Variants in C1orf116 observed in about 807,000 individuals in gnomAD.
C1orf116 encodes the protein chromosome 1 open reading frame 116, also known as specifically androgen-regulated gene protein.
In C1orf116, 12 loss-of-function variants were observed where a neutral mutation model predicts 14.1. That is an observed-to-expected ratio of 0.85 (90% CI 0.54 to 1.38). The LOEUF (loss-of-function observed/expected upper bound fraction) is 1.38, where lower values mean the gene tolerates loss of function less well. Among genes scored for constraint, C1orf116 ranks in the 40% most tolerant of loss-of-function variants. C1orf116 has a pLI of 0.00. For synonymous variants in C1orf116, 296 were observed against 299.0 expected (o/e 0.99, Z 0.10); for missense variants, 797 against 747.0 (o/e 1.07, Z -0.78).
rs780022265 is a variant in C1orf116, at chr1:207,022,751, C to G, written c.1013G>C (p.Cys338Ser). ...TGCTTTTCTCTGCTCTTGCAGTGAA[C>G]AGGAGATCAGGCCAGAATCTCCAGG... ...AAPGDSGLISCSLQEQRKARK... is the reference protein window; with the variant it reads ...AAPGDSGLISSSLQEQRKARK... Residue 338 changes from cysteine to serine, a missense_variant, in exon 4 of 4, where the codon TGT becomes TCT. Transcript: ENST00000359470. 6.2e-7 allele frequency: 1 copy of G among 1,614,206 alleles called. No homozygotes were observed. Among genetic ancestry groups the G allele is most frequent in the Non-Finnish European group, 8.5e-7 (1 of 1,180,034 alleles).
chr1:207,023,110 G>T lies in C1orf116; in HGVS notation c.654C>A (p.Pro218=). The change falls in exon 4 of 4, where the codon CCC becomes CCA. Residue 218 remains proline (P), a synonymous_variant. Transcript: ENST00000359470. ...TGTGGCCCTGCTGTCCTGGCCCCTC[G>T]GGCAGGCTGGCTTCCCTACACTGCT... The part of the protein sequence containing the change: ...QPEQCREASL[P]EGPGQQGHTP... The T allele has an allele frequency of 6.2e-7, 1 of 1,612,648 alleles. No individual in the cohort carries two copies. Among genetic ancestry groups the T allele is most frequent in the Non-Finnish European group, 8.5e-7 (1 of 1,179,858 alleles).
Position 207,027,948 on chromosome 1 carries a change from G to A in C1orf116, c.-81-269C>T, listed in dbSNP as rs145472602. ...CTTACATTTTTCTCTGAACCAAGGA[G>A]CTTAATCTACATTTTCATTACTATA... On this transcript the variant is annotated intron_variant, in intron 1 of 3. Coordinates refer to ENST00000359470, the MANE Select transcript of C1orf116 (RefSeq NM_023938.6). 1.8e-3 allele frequency among the ~76,000 whole-genome samples: 273 copies of A among 152,322 alleles called. 5 individuals are homozygous for A. The highest frequency in any genetic ancestry group is 1.2e-3 in the East Asian group (6 of 5,194).
Position 207,023,374 on chromosome 1 carries a change from G to A in C1orf116, c.390C>T (p.Gly130=). ...GGATATTCCTAGGGAGGCTGTAGGAGCCAGACCTGAGGCCTAGGCCCTGGG... is the reference window on the plus strand; with the variant it reads ...GGATATTCCTAGGGAGGCTGTAGGAACCAGACCTGAGGCCTAGGCCCTGGG... ...PEPQGLGLRS[G]SYSLPRNIHI... is the part of the protein sequence containing the mutation. The change falls in exon 4 of 4, where the codon GGC becomes GGT. Residue 130 remains glycine (G), a synonymous_variant. Transcript: ENST00000359470. The A allele has an allele frequency of 6.2e-7, 1 of 1,614,132 alleles. No individual in the cohort carries two copies. Among genetic ancestry groups the A allele is most frequent in the Non-Finnish European group, 8.5e-7 (1 of 1,179,980 alleles).
rs147463881 is a variant in C1orf116, at chr1:207,022,068, G to T, written c.1696C>A (p.Arg566Ser). The change falls in exon 4 of 4, where the codon CGT (arginine) becomes AGT (serine). Residue 566 changes from arginine to serine, a missense_variant. Coordinates refer to ENST00000359470, the MANE Select transcript of C1orf116 (RefSeq NM_023938.6). ...SKRLSYQGQS[R>S]DKLPRPPCVS... is the part of the protein sequence containing the mutation. ...CAGGGGGGGCGAGGAAGCTTGTCAC[G>T]GCTCTGTCCTTGGTAGGACAGGCGC... 7 of 1,609,174 alleles carry T rather than the reference G, an allele frequency of 4.4e-6. No homozygotes were observed. The African/African-American group carries it at 5.4e-5, about 12-fold the overall frequency.
chr1:207,026,138 G>A (rs114751965), intron 2 of C1orf116, among the ~76,000 whole-genome samples: 1,611 of 152,288 alleles, frequency 0.011, 30 homozygotes, highest in African/African-American at 0.037. Context: ...GGCCCACTCA[G>A]ATGGCCAGGA....
intron 1 of C1orf116, among the ~76,000 whole-genome samples, chr1:207,031,458 C>T (rs1183977797): frequency 1.3e-5 from 2 of 152,288 alleles, no homozygotes; most frequent in African/African-American, 2.4e-5. Context: ...AAGCCTAAAT[C>T]TCCAGTTGCC....
At position 207,019,460 on chromosome 1, in the gene C1orf116, G is replaced by A. The variant is rs1449567477; in HGVS notation, c.*2498C>T. 1 of 152,174 alleles carries A rather than the reference G, an allele frequency of 6.6e-6. No homozygotes were observed. Among genetic ancestry groups the A allele is most frequent in the Non-Finnish European group, 1.5e-5 (1 of 68,032 alleles). 9.4% of individuals were successfully genotyped at this position (152,174 alleles called of 1,614,324 possible). On this transcript the variant is annotated 3_prime_UTR_variant, in exon 4 of 4. Coordinates refer to ENST00000359470, the MANE Select transcript of C1orf116 (RefSeq NM_023938.6). ...CACCCACAATTCTTTGAAAAGGGAT[G>A]AGTAACTCTGACCCTACTCTTACCT...
rs865857082 is a variant in C1orf116, at chr1:207,027,366, A to G, written c.105+128T>C. 8 of 1,215,282 alleles carry G rather than the reference A, an allele frequency of 6.6e-6. No individual in the cohort carries two copies. The Middle Eastern group carries it at 8.3e-4, about 127-fold the overall frequency. 75.3% of individuals were successfully genotyped at this position (1,215,282 alleles called of 1,614,324 possible). On this transcript the variant is annotated intron_variant, in intron 2 of 3. Transcript: ENST00000359470. Reference sequence around the variant, plus strand: ...CAGAAAGCACCCACTGGTGTTGTGAATCACTCCCCAACAATGAAAGAGAAG... The same window carrying G: ...CAGAAAGCACCCACTGGTGTTGTGAGTCACTCCCCAACAATGAAAGAGAAG...
At chr1:207,028,369 T>G (rs74152405) in intron 1 of C1orf116, among the ~76,000 whole-genome samples, 14,248 of 152,208 alleles carry the variant, frequency 0.094, 2,149 homozygotes, top group African/African-American at 0.32. Flanking sequence ...GTGAGAACGT[T>G]TAAAACACTT....
At chr1:207,027,371 T>C (rs1445829439) in intron 2 of C1orf116, 123 bp downstream of exon 2, 7 of 1,257,262 alleles carry the variant, frequency 5.6e-6, no homozygotes, top group Non-Finnish European at 7.8e-6. Context: ...TGTGAATCAC[T>C]CCCCAACAAT....
chr1:207,030,112 A>G (rs1304045969), intron 1 of C1orf116, among the ~76,000 whole-genome samples: 2 of 152,250 alleles, frequency 1.3e-5, no homozygotes, highest in Non-Finnish European at 2.9e-5. Context: ...CTGCTTCACA[A>G]GAACACAGCA....
intron 1 of C1orf116, 26 bp from the exon 2 acceptor site, chr1:207,027,705 A>T: frequency 1.3e-6 from 2 of 1,507,632 alleles, no homozygotes; most frequent in Non-Finnish European, 1.8e-6. Context: ...TCAAAGCCAC[A>T]CATGAGCCGA....
intron 1 of C1orf116, among the ~76,000 whole-genome samples, chr1:207,030,495 C>A (rs919378283): frequency 6.6e-6 from 1 of 152,186 alleles, no homozygotes; most frequent in Admixed American, 6.5e-5. Context: ...GATATTTCTA[C>A]AGTAAAGAAA....
At chr1:207,032,538 T>A in intron 1 of C1orf116, 41 bp downstream of exon 1, 4 of 983,194 alleles carry the variant, frequency 4.1e-6, no homozygotes, top group Non-Finnish European at 4.8e-6. Context: ...CCCCTTCCTA[T>A]TGCTATAGGA....
intron 2 of C1orf116, among the ~76,000 whole-genome samples, chr1:207,026,286 C>T (rs778758408): frequency 6.6e-6 from 1 of 152,230 alleles, no homozygotes; most frequent in Non-Finnish European, 1.5e-5. Flanking sequence ...CCCCTGGAAG[C>T]TCTGAAGCTG....
intron 3 of C1orf116, 35 bp from the exon 4 acceptor site, chr1:207,023,515 A>G (rs1476779454): frequency 6.4e-7 from 1 of 1,555,438 alleles, no homozygotes; most frequent in South Asian, 1.2e-5. Flanking sequence ...AAGAGTGGAC[A>G]GAAAAAGAGT....
Position 207,021,996 on chromosome 1 carries a change from TTC to T in C1orf116, c.1766_1767del (p.Arg589LysfsTer46). The stretch of plus-strand genomic sequence containing the variant: ...AGTCCCAGCTTCTTCAGGGCCTCCC[TTC>T]TGTGTTCATTGGGGACACCCTTTGG... ...ISPKGVPNEH[R>X]REALKKLGLL... On this transcript the variant is annotated frameshift_variant, in exon 4 of 4. Coordinates refer to ENST00000359470, the MANE Select transcript of C1orf116 (RefSeq NM_023938.6). LOFTEE classifies it high-confidence loss of function. 3.2e-6 allele frequency: 5 copies of T among 1,548,780 alleles called. No individual in the cohort carries two copies. The South Asian group carries it at 6.4e-5, about 20-fold the overall frequency.
chr1:207,028,353 G>T (rs558472965), intron 1 of C1orf116, among the ~76,000 whole-genome samples: 1 of 152,168 alleles, frequency 6.6e-6, no homozygotes, highest in African/African-American at 2.4e-5. Flanking sequence ...ACCTCATGGG[G>T]TTATTGTGAG....
At position 207,025,176 on chromosome 1, in the gene C1orf116, G is replaced by A. The variant is rs370371207; in HGVS notation, c.106-112C>T. The A allele has an allele frequency of 1.8e-5, 15 of 822,640 alleles. No homozygotes were observed. The African/African-American group carries it at 1.9e-4, about 10-fold the overall frequency. 51.0% of individuals were successfully genotyped at this position (822,640 alleles called of 1,614,324 possible). A position where few individuals can be genotyped will look rare whatever the true frequency, so the allele number is the denominator to read the frequency against. On this transcript the variant is annotated intron_variant, in intron 2 of 3. Coordinates refer to ENST00000359470, the MANE Select transcript of C1orf116 (RefSeq NM_023938.6). Reference sequence around the variant, plus strand: ...AAGCGCTCCCTCCGCAGAAACTGGCGGGGCCTGAGAACCACCCTGCAGAGA... The same window carrying A: ...AAGCGCTCCCTCCGCAGAAACTGGCAGGGCCTGAGAACCACCCTGCAGAGA...
Sources: allele counts gnomAD v4.1 joint callset (sites outside exome capture counted in the v4.1 genomes callset), GRCh38; gene constraint gnomAD v4.1.1; transcripts MANE v1.5; gene names NCBI Gene and HGNC (gene_info 2026-07-23, HGNC 2026-07-21).